COL6A3: variants seen among roughly 807,000 people sequenced by gnomAD.
COL6A3 encodes collagen type VI alpha 3 chain.
In COL6A3, 137 loss-of-function variants were observed where a neutral mutation model predicts 274.1. The ratio of observed to expected loss-of-function variants is 0.50; its 90% confidence interval spans 0.44 to 0.58. The LOEUF is 0.58. COL6A3 is among the 20% of genes least tolerant of loss of function. The pLI is 0.00. For synonymous variants in COL6A3, 1,650 were observed against 1,650.6 expected (o/e 1.00, Z 0.01); for missense variants, 3,950 against 4,124.9 (o/e 0.96, Z 1.16).
In COL6A3 at chr2:237,374,355, A is replaced by G; in HGVS notation, c.3679+57T>C. The G allele has an allele frequency of 2.5e-6, 4 of 1,601,760 alleles. No homozygotes were observed. The highest frequency in any genetic ancestry group is 1.1e-5 in the South Asian group (1 of 90,386). ...GAGAACACCTTGTGGCCCACAGTCCAGACAAGTAGCCCCAGACAATGACAC... is the reference window on the plus strand; with the variant it reads ...GAGAACACCTTGTGGCCCACAGTCCGGACAAGTAGCCCCAGACAATGACAC... On this transcript the variant is annotated intron_variant, in intron 8 of 43. Coordinates refer to ENST00000295550, the MANE Select transcript of COL6A3 (RefSeq NM_004369.4). This position sits in a 1 kb window ranked among gnomAD's most constrained non-coding sequence, Gnocchi z 4.8.
rs757412351 is a variant in COL6A3 at position 237,366,760 on chromosome 2, G to A, written c.5427C>T (p.Ser1809=). The A allele has an allele frequency of 5.6e-6, 9 of 1,614,132 alleles. No individual in the cohort carries two copies. The highest frequency in any genetic ancestry group is 2.2e-5 in the East Asian group (1 of 44,898). The stretch of plus-strand genomic sequence containing the variant: ...CATGCAAAGTTTCCAAAACTTGCTC[G>A]CTCAGTTCGGACAGCTCCTGGACGT... The part of the protein sequence containing the change: ...VGNVQELSEL[S]EQVLETLHDA... The change falls in exon 11 of 44, where the codon AGC becomes AGT. Residue 1809 remains serine (S), a synonymous_variant. Transcript: ENST00000295550.
rs1057523034 is a variant in COL6A3 at position 237,379,252 on chromosome 2, A to G, written c.1898-17T>C. On this transcript the variant is annotated splice_polypyrimidine_tract_variant and intron_variant, in intron 5 of 43. Coordinates refer to ENST00000295550, the MANE Select transcript of COL6A3 (RefSeq NM_004369.4). Reference sequence around the variant, plus strand: ...TTGAGTGAACTGCAGTGAAGCACAGAAAAAAAAGTGAGACATACACAACCA... The same window carrying G: ...TTGAGTGAACTGCAGTGAAGCACAGGAAAAAAAGTGAGACATACACAACCA... 12 of 1,613,486 alleles carry G rather than the reference A, an allele frequency of 7.4e-6. No individual in the cohort carries two copies. The highest frequency in any genetic ancestry group is 1.0e-5 in the Non-Finnish European group (12 of 1,179,610).
Position 237,361,786 on chromosome 2 carries a change from A to G in COL6A3, c.6109T>C (p.Ser2037Pro). Reference protein sequence around the residue: ...KACCGVPCKCSGQRGDRGPIG... With the variant: ...KACCGVPCKCPGQRGDRGPIG... ...GGCCCGCGGTCTCCCCTCTGCCCAG[A>G]GCACTTGCAGGGAACCCCACAGCAA... The change falls in exon 15 of 44, where the codon TCT (serine) becomes CCT (proline). Residue 2037 changes from serine to proline, a missense_variant. By Grantham distance (74) the Ser-to-Pro change is moderately conservative. Around this residue, in one of 5 missense-constraint regions of COL6A3, gnomAD observed 92 missense variants for 143.4 expected, o/e 0.64. Coordinates refer to ENST00000295550, the MANE Select transcript of COL6A3 (RefSeq NM_004369.4). This position sits in a 1 kb window ranked among gnomAD's most constrained non-coding sequence, Gnocchi z 5.1. 6.2e-7 allele frequency: 1 copy of G among 1,614,236 alleles called. No homozygotes were observed. The highest frequency in any genetic ancestry group is 1.1e-5 in the South Asian group (1 of 91,084).
At chr2:237,331,920 C>G (rs1387705450) in intron 42 of COL6A3, among the ~76,000 whole-genome samples, 1 of 149,676 alleles carries the variant, frequency 6.7e-6, no homozygotes, top group African/African-American at 2.5e-5. Flanking sequence ...CTACTTGCAG[C>G]CTTGAAAGAA....
intron 23 of COL6A3, 107 bp from the exon 24 acceptor site, chr2:237,355,041 G>T (rs2077289543): frequency 9.3e-7 from 1 of 1,071,022 alleles, no homozygotes; most frequent in Non-Finnish European, 1.4e-6. Context: ...TTACTCAGGG[G>T]AATCTTCCCA....
In COL6A3 at chr2:237,324,609, T is replaced by C. The variant is rs1196477676; in HGVS notation, c.*165A>G. The C allele has an allele frequency of 1.5e-6, 1 of 683,714 alleles. No individual in the cohort carries two copies. The highest frequency in any genetic ancestry group is 1.8e-5 in the African/African-American group (1 of 56,920). The allele number at this position is 683,714 out of a possible 1,614,324, so 42.4% of individuals were successfully genotyped here. A position where few individuals can be genotyped will look rare whatever the true frequency, so the allele number is the denominator to read the frequency against. On this transcript the variant is annotated 3_prime_UTR_variant, in exon 44 of 44. Transcript: ENST00000295550. ...AGGGTCCACAGACACATTAGCACCATACTGATAGGTCATGCAGCAGGATGT... is the reference window on the plus strand; with the variant it reads ...AGGGTCCACAGACACATTAGCACCACACTGATAGGTCATGCAGCAGGATGT...
chr2:237,361,099 G>A lies in COL6A3; in HGVS notation c.6210+22C>T, dbSNP rs746148036. 2.5e-6 allele frequency: 4 copies of A among 1,609,108 alleles called. No individual in the cohort carries two copies. Among genetic ancestry groups the A allele is most frequent in the Non-Finnish European group, 8.5e-7 (1 of 1,175,484 alleles). ...ATCAAGGAGGGGGTGAAATTTTAGG[G>A]ACTAAAACAATTTTTACTTACGGGT... On this transcript the variant is annotated intron_variant, in intron 16 of 43. Coordinates refer to ENST00000295550, the MANE Select transcript of COL6A3 (RefSeq NM_004369.4). This position sits in a 1 kb window ranked among gnomAD's most constrained non-coding sequence, Gnocchi z 5.1.
intron 8 of COL6A3, among the ~76,000 whole-genome samples, chr2:237,372,557 G>A (rs1033506853): frequency 6.6e-6 from 1 of 152,222 alleles, no homozygotes; most frequent in East Asian, 1.9e-4. Context: ...AGAATCAGAA[G>A]AGCCTCATCA....
intron 41 of COL6A3, among the ~76,000 whole-genome samples, chr2:237,334,127 G>A (rs992128967): frequency 1.3e-5 from 2 of 152,158 alleles, no homozygotes; most frequent in Non-Finnish European, 2.9e-5. Context: ...GCCAGCCAAG[G>A]GCAGAGCCCA....
intron 2 of COL6A3, among the ~76,000 whole-genome samples, chr2:237,396,482 T>C (rs1358659545): frequency 6.6e-6 from 1 of 152,214 alleles, no homozygotes; most frequent in Non-Finnish European, 1.5e-5. Context: ...TAAAAACAAA[T>C]CATTTTCAAG....
rs3748778 is a variant in COL6A3, at chr2:237,394,491, A to G, written c.709+96T>C. ...TGAACACTCATCTCTTCCCTGGCCC[A>G]CCCGCCATCCTAGCTGTTGCTTTAA... On this transcript the variant is annotated intron_variant, in intron 3 of 43. Coordinates refer to ENST00000295550, the MANE Select transcript of COL6A3 (RefSeq NM_004369.4). The G allele has an allele frequency of 9.1e-3, 13,843 of 1,526,578 alleles. 497 individuals carry two copies. The Admixed American group carries it at 0.093, about 10-fold the overall frequency. 94.6% of individuals were successfully genotyped at this position (1,526,578 alleles called of 1,614,324 possible).
At chr2:237,350,231 G>A (rs1331165875) in intron 27 of COL6A3, 22 bp from the exon 28 acceptor site, 1 of 1,612,996 alleles carries the variant, frequency 6.2e-7, no homozygotes, top group Non-Finnish European at 8.5e-7. Flanking sequence ...AAACATGGCT[G>A]AGACCCTGTG....
chr2:237,371,891 C>T lies in COL6A3; in HGVS notation c.4126G>A (p.Glu1376Lys). ...CTCAGCGAGATCTTCACCAGCTCCT[C>T]CTGGTCTGCGTTCCTGGCGATCGTG... ...PFTIARNADQ[E>K]ELVKISLSPE... The change falls in exon 9 of 44, where the codon GAG becomes AAG. Residue 1376 changes from glutamate (E) to lysine (K), a missense_variant. This residue lies in a region of COL6A3 where 1,934 missense variants were observed against 1,984.3 expected (regional missense o/e 0.97). Coordinates refer to ENST00000295550, the MANE Select transcript of COL6A3 (RefSeq NM_004369.4). The surrounding 1 kb of genome is among the most constrained non-coding windows in gnomAD (Gnocchi z 4.3). The T allele has an allele frequency of 6.2e-7, 1 of 1,613,926 alleles. No homozygotes were observed. Among genetic ancestry groups the T allele is most frequent in the South Asian group, 1.1e-5 (1 of 91,052 alleles).
In COL6A3 at chr2:237,396,689, T is replaced by C. The variant is rs779943887; in HGVS notation, c.91+38A>G. ...TAAGATCTAAAATCAAAGAATGATA[T>C]TCCTTTTTACAAAATCAAGGACGTT... is the stretch of plus-strand genomic sequence containing the variant. On this transcript the variant is annotated intron_variant, in intron 2 of 43. Transcript: ENST00000295550. The C allele has an allele frequency of 5.7e-6, 9 of 1,589,350 alleles. No homozygotes were observed. The South Asian group carries it at 8.8e-5, about 16-fold the overall frequency.
intron 23 of COL6A3, 102 bp from the exon 24 acceptor site, chr2:237,355,036 C>A (rs2077289266): frequency 9.0e-7 from 1 of 1,113,432 alleles, no homozygotes. Context: ...TGCGGTTACT[C>A]AGGGGAATCT....
chr2:237,334,587 T>C (rs1252624106), intron 41 of COL6A3, 39 bp downstream of exon 41: 32 of 1,607,970 alleles, frequency 2.0e-5, no homozygotes, highest in Non-Finnish European at 2.6e-5. Context: ...ATACTCTACA[T>C]AGAAATCAGG....
intron 6 of COL6A3, 37 bp from the exon 7 acceptor site, chr2:237,377,381 A>G: frequency 1.9e-6 from 3 of 1,591,442 alleles, no homozygotes; most frequent in African/African-American, 1.3e-5. Context: ...ATGAGGGACG[A>G]GAGCATAACA....
rs553823164 is a variant in COL6A3, at chr2:237,348,499, A to ACTCG, written c.6930+113_6930+114insCGAG. 117 of 1,362,308 alleles carry ACTCG rather than the reference A, an allele frequency of 8.6e-5. No homozygotes were observed. The African/African-American group carries it at 1.5e-3, about 18-fold the overall frequency. 84.4% of individuals were successfully genotyped at this position (1,362,308 alleles called of 1,614,324 possible). On this transcript the variant is annotated intron_variant, in intron 29 of 43. Coordinates refer to ENST00000295550, the MANE Select transcript of COL6A3 (RefSeq NM_004369.4). ...AGTCATCAAACGAAAACACTCACTC[A>ACTCG]AATACAAAGACAATTTTTAAAGAAA...
rs2077537111 is a variant in COL6A3 at position 237,365,804 on chromosome 2, A to C, written c.5732T>G (p.Leu1911Arg). 2 of 1,613,970 alleles carry C rather than the reference A, an allele frequency of 1.2e-6. No homozygotes were observed. The highest frequency in any genetic ancestry group is 1.3e-5 in the African/African-American group (1 of 74,876). The change falls in exon 12 of 44, where the codon CTC becomes CGC. Residue 1911 changes from leucine (L) to arginine (R), a missense_variant. Physicochemically the swap from Leu to Arg is moderately radical, Grantham distance 102. Coordinates refer to ENST00000295550, the MANE Select transcript of COL6A3 (RefSeq NM_004369.4). ...GCTGCGCATGTTCCGGAACTTCTCG[A>C]GCATCTCTGGCTGGTACTCGTCAAA... The part of the protein sequence containing the change: ...FDFDEYQPEM[L>R]EKFRNMRSQH...
Sources: allele counts gnomAD v4.1 joint callset (sites outside exome capture counted in the v4.1 genomes callset), GRCh38; gene constraint gnomAD v4.1.1; regional missense constraint gnomAD v4.1.1; non-coding constraint Gnocchi (gnomAD v3.1); transcripts MANE v1.5; gene names NCBI Gene and HGNC (gene_info 2026-07-23, HGNC 2026-07-21).